Variants in TUSC3 observed in about 807,000 individuals in gnomAD.
TUSC3 encodes tumor suppressor candidate 3.
In TUSC3, 45 loss-of-function variants were observed where a neutral mutation model predicts 44.8. The observed-to-expected ratio is 1.00, with a 90% CI of 0.79 to 1.29. The LOEUF (loss-of-function observed/expected upper bound fraction) is 1.29, where lower values mean the gene tolerates loss of function less well. TUSC3 is among the 50% of genes most tolerant of loss of function. The pLI is 0.00. For synonymous variants in TUSC3, 212 were observed against 152.9 expected, an observed-to-expected ratio of 1.39 and a Z score of -2.85; for missense variants, 519 against 437.9, an observed-to-expected ratio of 1.19 and a Z score of -1.65.
chr8:15,525,126 A>G (rs372886096), intron 2 of TUSC3, among the ~76,000 whole-genome samples: 9 of 152,358 alleles, frequency 5.9e-5, no homozygotes, highest in African/African-American at 2.2e-4. Flanking sequence ...AACCAGAAAC[A>G]AAGAGATTTC....
At chr8:15,461,991 T>A (rs929526373) in intron 1 of TUSC3, among the ~76,000 whole-genome samples, 3 of 152,048 alleles carry the variant, frequency 2.0e-5, no homozygotes, top group Non-Finnish European at 4.4e-5. Context: ...AGGCATCACA[T>A]CTTATAATTG....
chr8:15,522,229 G>A (rs1347715309), intron 2 of TUSC3, among the ~76,000 whole-genome samples: 1 of 151,220 alleles, frequency 6.6e-6, no homozygotes, highest in Non-Finnish European at 1.5e-5. Context: ...ATAGTATTCA[G>A]CCCTTTGTTT....
chr8:15,827,182 G>T, the TUSC3 span, among the ~76,000 whole-genome samples: 13 of 152,058 alleles, frequency 8.5e-5, no homozygotes, highest in Non-Finnish European at 1.9e-4. Flanking sequence ...TAACTGATGG[G>T]GTACGCTGGA....
chr8:15,807,048 A>T, the TUSC3 span: 12 of 1,419,124 alleles, frequency 8.5e-6, no homozygotes, highest in South Asian at 1.1e-5. Context: ...GTTATCGGCG[A>T]TGTGATCTAA....
intron 6 of TUSC3, among the ~76,000 whole-genome samples, chr8:15,691,658 C>T (rs1808907373): frequency 6.6e-6 from 1 of 151,926 alleles, no homozygotes; most frequent in South Asian, 2.1e-4. Flanking sequence ...TCATAGAGGG[C>T]TGTTATTTTT....
At chr8:15,430,146 G>C (rs981545019) in intron 1 of TUSC3, among the ~76,000 whole-genome samples, 3 of 148,892 alleles carry the variant, frequency 2.0e-5, no homozygotes, top group Non-Finnish European at 4.5e-5. Context: ...CATCATCCTG[G>C]TACCAAAGCC....
chr8:15,483,316 T>C, intron 1 of TUSC3: 1 of 220,986 alleles, frequency 4.5e-6, no homozygotes, highest in Non-Finnish European at 9.1e-6. Context: ...AAAGCACTGT[T>C]TTTGTTGTTG....
chr8:15,457,281 C>T (rs1489458239), intron 1 of TUSC3, among the ~76,000 whole-genome samples: 1 of 151,570 alleles, frequency 6.6e-6, no homozygotes, highest in Non-Finnish European at 1.5e-5. Flanking sequence ...CAAACCTGAA[C>T]GTTGTGCACA....
At position 15,746,274 on chromosome 8, in the gene TUSC3, G is replaced by A. The variant is rs116795174; in HGVS notation, c.938-2101G>A. On this transcript the variant is annotated intron_variant, in intron 8 of 10. Transcript: ENST00000503731. Reference sequence around the variant, plus strand: ...GTTTTCAACTCCTCTCTTGGTAGATGTTTGTTTCTCTAACTCCAGCTCCCA... The same window carrying A: ...GTTTTCAACTCCTCTCTTGGTAGATATTTGTTTCTCTAACTCCAGCTCCCA... Among the ~76,000 whole-genome samples, 612 of 151,412 alleles carry A rather than the reference G, an allele frequency of 4.0e-3. 4 individuals carry two copies. Among genetic ancestry groups the A allele is most frequent in the African/African-American group, 0.014 (587 of 41,488 alleles).
Position 15,639,634 on chromosome 8 carries a change from A to G in TUSC3, c.309-11063A>G, listed in dbSNP as rs189646994. Among the ~76,000 whole-genome samples, 487 of 152,274 alleles carry G rather than the reference A, an allele frequency of 3.2e-3. 6 individuals carry two copies. Among genetic ancestry groups the G allele is most frequent in the African/African-American group, 0.011 (470 of 41,572 alleles). On this transcript the variant is annotated intron_variant, in intron 2 of 10. Coordinates refer to ENST00000503731, the MANE Select transcript of TUSC3 (RefSeq NM_006765.4). ...CTATTATATAAAGTCATAAATTACAATTCATCTTTGTATTATTTTTAAGCA... is the reference window on the plus strand; with the variant it reads ...CTATTATATAAAGTCATAAATTACAGTTCATCTTTGTATTATTTTTAAGCA...
chr8:15,474,844 C>A (rs1035538305), intron 1 of TUSC3, among the ~76,000 whole-genome samples: 1 of 152,178 alleles, frequency 6.6e-6, no homozygotes, highest in Non-Finnish European at 1.5e-5. Context: ...TATCCACACA[C>A]AACCCATCCC....
chr8:15,776,965 C>G, the TUSC3 span, among the ~76,000 whole-genome samples: 1 of 152,016 alleles, frequency 6.6e-6, no homozygotes, highest in African/African-American at 2.4e-5. Context: ...CTGTGTGTTG[C>G]TATCTCTGCC....
chr8:15,446,351 C>T (rs572047234), intron 1 of TUSC3, among the ~76,000 whole-genome samples: 1,550 of 152,168 alleles, frequency 0.01, 12 homozygotes, highest in Non-Finnish European at 0.015. Flanking sequence ...GCTGCAATCT[C>T]GGCACTTTGG....
At chr8:15,681,723 GTT>G (rs1185682951) in intron 6 of TUSC3, among the ~76,000 whole-genome samples, 1 of 151,742 alleles carries the variant, frequency 6.6e-6, no homozygotes, top group Non-Finnish European at 1.5e-5. Flanking sequence ...TTTTGGGCTA[GTT>G]TTTTCTTGTT....
At chr8:15,708,315 A>C (rs564383085) in intron 6 of TUSC3, among the ~76,000 whole-genome samples, 1 of 152,042 alleles carries the variant, frequency 6.6e-6, no homozygotes, top group South Asian at 2.1e-4. Flanking sequence ...GATTAGGAAA[A>C]ACCTTGTGTG....
At chr8:15,448,114 T>C (rs7014954) in intron 1 of TUSC3, among the ~76,000 whole-genome samples, 79 of 5,484 alleles carry the variant, frequency 0.014, 12 homozygotes, top group Non-Finnish European at 0.037. Flanking sequence ...TATACATATA[T>C]ATATATTTAT....
At chr8:15,563,304 C>T (rs1802546098) in intron 1 of TUSC3, among the ~76,000 whole-genome samples, 1 of 152,022 alleles carries the variant, frequency 6.6e-6, no homozygotes, top group Non-Finnish European at 1.5e-5. Flanking sequence ...GATTTATTTG[C>T]AATGGTGTGA....
At chr8:15,646,752 C>T (rs998941243) in intron 2 of TUSC3, among the ~76,000 whole-genome samples, 1 of 152,062 alleles carries the variant, frequency 6.6e-6, no homozygotes, top group South Asian at 2.1e-4. Flanking sequence ...ATGATCCTAC[C>T]AGAGAATGTT....
intron 1 of TUSC3, among the ~76,000 whole-genome samples, chr8:15,589,711 T>A: frequency 7.0e-6 from 1 of 142,748 alleles, no homozygotes; most frequent in Admixed American, 7.0e-5. Flanking sequence ...CTGATTATTT[T>A]GTTTTTTGTA....
Sources: gnomAD v4.1 joint callset for allele counts (sites outside exome capture counted in the v4.1 genomes callset) on GRCh38, gnomAD v4.1.1 for gene constraint, MANE v1.5 for transcripts, NCBI Gene and HGNC (gene_info 2026-07-23, HGNC 2026-07-21) for gene names.